The following CKAP2L variants were observed in gnomAD, a reference collection of about 807,000 sequenced individuals.
The protein encoded by CKAP2L is cytoskeleton associated protein 2L, also known as cytoskeleton-associated protein 2-like.
Under a neutral mutation model 65.7 loss-of-function variants are expected in CKAP2L, and 42 were observed. That is an observed-to-expected ratio of 0.64 (90% CI 0.50 to 0.83). The LOEUF is 0.83. Among genes scored for constraint, CKAP2L ranks in the 40% least tolerant of loss-of-function variants. The probability of loss-of-function intolerance (pLI) is 0.00; values close to 1 mark genes in which losing one functional copy is unlikely to be tolerated. For missense variants in CKAP2L, 908 were observed against 871.0 expected, an observed-to-expected ratio of 1.04 and a Z score of -0.53; for synonymous variants, 325 against 313.5, an observed-to-expected ratio of 1.04 and a Z score of -0.39.
chr2:112,757,127 G>A lies in CKAP2L; in HGVS notation c.244C>T (p.Pro82Ser). ...RSISIKLQPRPPNTAGSQKPK... is the reference protein window; with the variant it reads ...RSISIKLQPRSPNTAGSQKPK... ...TTCTGGGACCCTGCAGTATTAGGTG[G>A]TCTGGGCTGGAGTTTAATGCTGATG... is the stretch of plus-strand genomic sequence containing the variant. The change falls in exon 4 of 9, where the codon CCA becomes TCA. Residue 82 changes from proline (P) to serine (S), a missense_variant. Coordinates refer to ENST00000302450, the MANE Select transcript of CKAP2L (RefSeq NM_152515.5). The A allele has an allele frequency of 3.7e-6, 6 of 1,614,130 alleles. No homozygotes were observed. In the South Asian group the frequency reaches 4.4e-5, roughly 12 times the overall value.
chr2:112,739,799 C>T (rs990766057), intron 8 of CKAP2L, among the ~76,000 whole-genome samples: 1 of 152,272 alleles, frequency 6.6e-6, no homozygotes, highest in Admixed American at 6.5e-5. Flanking sequence ...GGAGCACAAA[C>T]GTATGCCAGC....
At chr2:112,745,536 C>T (rs547398175) in intron 6 of CKAP2L, among the ~76,000 whole-genome samples, 19 of 152,196 alleles carry the variant, frequency 1.2e-4, no homozygotes, top group African/African-American at 2.2e-4. Context: ...CCCGCCACCA[C>T]GCCCGGCTAA....
intron 2 of CKAP2L, 75 bp downstream of exon 2, chr2:112,762,428 T>G: frequency 8.7e-7 from 1 of 1,147,832 alleles, no homozygotes; most frequent in Non-Finnish European, 1.3e-6. Context: ...AAAAGGGACA[T>G]TTTTCAAAAA....
chr2:112,750,296 C>T (rs977002686), intron 5 of CKAP2L, among the ~76,000 whole-genome samples: 5 of 152,232 alleles, frequency 3.3e-5, no homozygotes, highest in African/African-American at 1.2e-4. Context: ...GCATCTTGTG[C>T]ACACAGGCTT....
intron 7 of CKAP2L, among the ~76,000 whole-genome samples, chr2:112,742,113 G>T (rs1157175504): frequency 6.6e-6 from 1 of 152,008 alleles, no homozygotes; most frequent in Non-Finnish European, 1.5e-5. Context: ...AAAGGAAAAA[G>T]ATTTGTCACC....
In CKAP2L at chr2:112,738,758, G is replaced by C; in HGVS notation, c.*65C>G. On this transcript the variant is annotated 3_prime_UTR_variant, in exon 9 of 9. Coordinates refer to ENST00000302450, the MANE Select transcript of CKAP2L (RefSeq NM_152515.5). ...GCCTCTCTTTTTTTCCAGGTCACTT[G>C]GACAAGAATATTTCTTGTCTTATGT... is the stretch of plus-strand genomic sequence containing the variant. 1 of 1,104,244 alleles carries C rather than the reference G, an allele frequency of 9.1e-7. No homozygotes were observed. The highest frequency in any genetic ancestry group is 1.3e-5 in the South Asian group (1 of 75,014). 68.4% of individuals were successfully genotyped at this position (1,104,244 alleles called of 1,614,324 possible).
chr2:112,761,257 G>C (rs747971928), intron 2 of CKAP2L, among the ~76,000 whole-genome samples: 2 of 151,944 alleles, frequency 1.3e-5, no homozygotes, highest in Non-Finnish European at 2.9e-5. Context: ...TCAGGAAATA[G>C]AGACCATCCT....
chr2:112,742,251 A>G, intron 7 of CKAP2L, among the ~76,000 whole-genome samples: 1 of 152,254 alleles, frequency 6.6e-6, no homozygotes, highest in East Asian at 1.9e-4. Context: ...GTCTCATAGA[A>G]GAGTCTTCTA....
chr2:112,749,097 G>A (rs747988669), intron 5 of CKAP2L, among the ~76,000 whole-genome samples: 11 of 152,120 alleles, frequency 7.2e-5, no homozygotes, highest in African/African-American at 9.7e-5. Flanking sequence ...AAATGTGTAC[G>A]AACTAAATTT....
chr2:112,739,105 T>A, intron 8 of CKAP2L, 57 bp from the exon 9 acceptor site: 2 of 1,313,816 alleles, frequency 1.5e-6, no homozygotes, highest in South Asian at 2.6e-5. Flanking sequence ...ATTATCTTTA[T>A]TATTTTTTGT....
At position 112,755,894 on chromosome 2, in the gene CKAP2L, G is replaced by T; in HGVS notation, c.1394+83C>A. 4 of 1,300,444 alleles carry T rather than the reference G, an allele frequency of 3.1e-6. 1 individual carries two copies. In the South Asian group the frequency reaches 4.5e-5, roughly 15 times the overall value. 80.6% of individuals were successfully genotyped at this position (1,300,444 alleles called of 1,614,324 possible). On this transcript the variant is annotated intron_variant, in intron 4 of 8. Coordinates refer to ENST00000302450, the MANE Select transcript of CKAP2L (RefSeq NM_152515.5). ...AATTACTTAGGAGCCATTATTTATG[G>T]CCTATTTCCTGACCTAGTCTTCTTG...
Position 112,740,900 on chromosome 2 carries a change from G to T in CKAP2L, c.1930C>A (p.Gln644Lys). The T allele has an allele frequency of 1.9e-6, 3 of 1,613,892 alleles. No homozygotes were observed. Among genetic ancestry groups the T allele is most frequent in the Non-Finnish European group, 2.5e-6 (3 of 1,179,936 alleles). ...KSCLSPKEREQVTATPRIAKA... is the reference protein window; with the variant it reads ...KSCLSPKEREKVTATPRIAKA... ...GCTATTCGGGGTGTCGCCGTGACTT[G>T]TTCCCTCTCTTTTGGAGAAAGACAA... Residue 644 changes from glutamine to lysine, a missense_variant, in exon 8 of 9, where the codon CAA becomes AAA. Gln to Lys is a moderately conservative substitution (Grantham distance 53). Transcript: ENST00000302450.
At chr2:112,743,316 G>A (rs1680086735) in intron 6 of CKAP2L, among the ~76,000 whole-genome samples, 1 of 151,402 alleles carries the variant, frequency 6.6e-6, no homozygotes, top group South Asian at 2.1e-4. Flanking sequence ...CTAATTTTTT[G>A]TATTTTTAGT....
In CKAP2L at chr2:112,756,795, T is replaced by G. The variant is rs571895177; in HGVS notation, c.576A>C (p.Leu192Phe). ...GATCTGGCTTCCTCTCAGGTTCTGT[T>G]AAGATATCGAGCAAGTTCTCTTTGT... ...ETNKENLLDI[L>F]TEPERKPDPK... The change falls in exon 4 of 9, where the codon TTA becomes TTC. Residue 192 changes from leucine (L) to phenylalanine (F), a missense_variant. Transcript: ENST00000302450. The G allele has an allele frequency of 1.1e-5, 17 of 1,603,752 alleles. No individual in the cohort carries two copies. Among genetic ancestry groups the G allele is most frequent in the Non-Finnish European group, 1.4e-5 (17 of 1,177,150 alleles).
intron 5 of CKAP2L, among the ~76,000 whole-genome samples, chr2:112,748,590 G>C (rs939731855): frequency 6.6e-6 from 1 of 152,152 alleles, no homozygotes; most frequent in South Asian, 2.1e-4. Context: ...AGGTGCAGTG[G>C]GTGGTTCACA....
intron 6 of CKAP2L, among the ~76,000 whole-genome samples, chr2:112,744,699 A>T (rs1170629048): frequency 6.6e-6 from 1 of 152,130 alleles, no homozygotes; most frequent in Admixed American, 6.5e-5. Flanking sequence ...AGGAGATTGG[A>T]ACAGATTTCT....
In CKAP2L at chr2:112,736,557, C is replaced by T. The variant is rs1212217358; in HGVS notation, c.*2266G>A. The T allele has an allele frequency of 1.3e-5, 2 of 152,156 alleles. No individual in the cohort carries two copies. The highest frequency in any genetic ancestry group is 2.9e-5 in the Non-Finnish European group (2 of 68,032). 9.4% of individuals were successfully genotyped at this position (152,156 alleles called of 1,614,324 possible). On this transcript the variant is annotated 3_prime_UTR_variant, in exon 9 of 9. Coordinates refer to ENST00000302450, the MANE Select transcript of CKAP2L (RefSeq NM_152515.5). ...CTTTAGCCCTATCTCTAGACTTGTTCATTTTATCTGCTATTTTGTATCCTT... is the reference window on the plus strand; with the variant it reads ...CTTTAGCCCTATCTCTAGACTTGTTTATTTTATCTGCTATTTTGTATCCTT...
Position 112,756,226 on chromosome 2 carries a change from G to A in CKAP2L, c.1145C>T (p.Thr382Ile). 1 of 1,614,172 alleles carries A rather than the reference G, an allele frequency of 6.2e-7. No individual in the cohort carries two copies. The highest frequency in any genetic ancestry group is 8.5e-7 in the Non-Finnish European group (1 of 1,180,020). Residue 382 changes from threonine to isoleucine, a missense_variant, in exon 4 of 9, where the codon ACA becomes ATA. Coordinates refer to ENST00000302450, the MANE Select transcript of CKAP2L (RefSeq NM_152515.5). Reference sequence around the variant, plus strand: ...AATGGCTGAATTAAATCTGCCAACTGTCAAATTAGGCCTCTGGCTTATGGC... The same window carrying A: ...AATGGCTGAATTAAATCTGCCAACTATCAAATTAGGCCTCTGGCTTATGGC... The part of the protein sequence containing the change: ...SKAISQRPNL[T>I]VGRFNSAIPS...
Position 112,757,032 on chromosome 2 carries a change from G to C in CKAP2L, c.339C>G (p.Tyr113Ter). Residue 113 changes from tyrosine (Y) to a stop codon, truncating the protein, a stop_gained, in exon 4 of 9, where the codon TAC (tyrosine) becomes TAG (stop). Coordinates refer to ENST00000302450, the MANE Select transcript of CKAP2L (RefSeq NM_152515.5). LOFTEE classifies it high-confidence loss of function. ...LTSECVSSNP[Y>*]SKPSSKSFQQ... The stretch of plus-strand genomic sequence containing the variant: ...GAAAACTCTTGCTAGAAGGCTTAGA[G>C]TATGGGTTAGAAGAAACACATTCTG... 1 of 1,614,192 alleles carries C rather than the reference G, an allele frequency of 6.2e-7. No homozygotes were observed. Among genetic ancestry groups the C allele is most frequent in the Non-Finnish European group, 8.5e-7 (1 of 1,180,026 alleles).
Sources: allele counts gnomAD v4.1 joint callset (sites outside exome capture counted in the v4.1 genomes callset), GRCh38; gene constraint gnomAD v4.1.1; transcripts MANE v1.5; gene names NCBI Gene and HGNC (gene_info 2026-07-23, HGNC 2026-07-21).